NACC2: variants seen among roughly 807,000 people sequenced by gnomAD.
NACC2 encodes nucleus accumbens-associated protein 2.
NACC2 carries 8 observed loss-of-function variants against 25.1 expected under a neutral mutation model. That is an observed-to-expected ratio of 0.32 (90% CI 0.19 to 0.57). The LOEUF (loss-of-function observed/expected upper bound fraction) is 0.57. Among genes scored for constraint, NACC2 ranks in the 20% least tolerant of loss-of-function variants. The pLI is 0.89. For synonymous variants in NACC2, 435 were observed against 294.7 expected (o/e 1.48, Z -4.88); for missense variants, 644 against 650.2 (o/e 0.99, Z 0.10).
chr9:136,046,898 T>A (rs1300682915), intron 2 of NACC2, among the ~76,000 whole-genome samples: 2 of 152,140 alleles, frequency 1.3e-5, no homozygotes, highest in African/African-American at 4.8e-5. Context: ...TTGACTTATT[T>A]CAAAAACAGG....
At chr9:136,037,178 C>T (rs1016430462) in intron 2 of NACC2, among the ~76,000 whole-genome samples, 2 of 152,250 alleles carry the variant, frequency 1.3e-5, no homozygotes, top group African/African-American at 4.8e-5. Flanking sequence ...AAGCTGATGC[C>T]TTTTATTTTA....
In NACC2 at chr9:136,011,914, T is replaced by C; in HGVS notation, c.1366A>G (p.Lys456Glu). 6.3e-7 allele frequency: 1 copy of C among 1,594,084 alleles called. No homozygotes were observed. Among genetic ancestry groups the C allele is most frequent in the Non-Finnish European group, 8.5e-7 (1 of 1,172,580 alleles). The part of the protein sequence containing the change: ...RVRKRWLPKI[K>E]SMLPEGVEMY... ...TCCACGCCCTCCGGCAGCATGGACT[T>C]GATCTTGGGCAGCCAGCGCTTGCGA... The change falls in exon 6 of 6, where the codon AAG (lysine) becomes GAG (glutamate). Residue 456 changes from lysine (K) to glutamate (E), a missense_variant. Coordinates refer to ENST00000277554, the MANE Select transcript of NACC2 (RefSeq NM_144653.5).
chr9:136,088,647 C>T (rs1830403411), intron 1 of NACC2, among the ~76,000 whole-genome samples: 1 of 152,220 alleles, frequency 6.6e-6, no homozygotes, highest in South Asian at 2.1e-4. Flanking sequence ...CTCATTGAGG[C>T]CCCCACCCAG....
At chr9:136,053,756 CG>C (rs1356756376) in intron 1 of NACC2, among the ~76,000 whole-genome samples, 14 of 152,188 alleles carry the variant, frequency 9.2e-5, no homozygotes, top group Middle Eastern at 3.4e-3. Flanking sequence ...GCCCCAAGGA[CG>C]GGGGGGTAGG....
intron 2 of NACC2, among the ~76,000 whole-genome samples, chr9:136,041,267 C>CA (rs1225828592): frequency 1.3e-5 from 2 of 151,912 alleles, no homozygotes; most frequent in Admixed American, 6.6e-5. Flanking sequence ...ACTAAAAATA[C>CA]AAAAAATCAG....
In NACC2 at chr9:136,007,980, G is replaced by A. The variant is rs1840050191; in HGVS notation, c.*3536C>T. ...GCTCTAAACACAAATGCCAAAGAAT[G>A]ACTCTTCCTGGAGGAGAAAGGAGGC... On this transcript the variant is annotated 3_prime_UTR_variant, in exon 6 of 6. Coordinates refer to ENST00000277554, the MANE Select transcript of NACC2 (RefSeq NM_144653.5). 6.6e-6 allele frequency: 1 copy of A among 152,218 alleles called. No individual in the cohort carries two copies. Among genetic ancestry groups the A allele is most frequent in the Non-Finnish European group, 1.5e-5 (1 of 68,086 alleles). 9.4% of individuals were successfully genotyped at this position (152,218 alleles called of 1,614,324 possible).
At position 136,009,259 on chromosome 9, in the gene NACC2, T is replaced by G. The variant is rs1250156294; in HGVS notation, c.*2257A>C. The G allele has an allele frequency of 6.6e-6, 1 of 152,288 alleles. No individual in the cohort carries two copies. The highest frequency in any genetic ancestry group is 1.5e-5 in the Non-Finnish European group (1 of 68,090). 9.4% of individuals were successfully genotyped at this position (152,288 alleles called of 1,614,324 possible). On this transcript the variant is annotated 3_prime_UTR_variant, in exon 6 of 6. Transcript: ENST00000277554. ...TGCTCCACCCCGCGGCTTCCTCCCA[T>G]CTCCGAGGAAGGCTTGGTCCAGGTT...
At chr9:136,074,855 G>A (rs1002103080) in intron 1 of NACC2, among the ~76,000 whole-genome samples, 3 of 152,188 alleles carry the variant, frequency 2.0e-5, no homozygotes, top group African/African-American at 7.2e-5. Flanking sequence ...CACACAGAGC[G>A]GCAGGAAGCG....
chr9:136,048,995 G>A (rs1840772570), intron 2 of NACC2, among the ~76,000 whole-genome samples: 1 of 152,368 alleles, frequency 6.6e-6, no homozygotes, highest in South Asian at 2.1e-4. Context: ...AGGGACACCC[G>A]ATCCTGGGCA....
At chr9:136,072,009 G>A (rs538559756) in intron 1 of NACC2, among the ~76,000 whole-genome samples, 2 of 152,190 alleles carry the variant, frequency 1.3e-5, no homozygotes, top group South Asian at 2.1e-4. Flanking sequence ...AGGCCCAGGT[G>A]GGTGGATCAC....
chr9:136,056,555 G>A (rs1465906568), intron 1 of NACC2, among the ~76,000 whole-genome samples: 1 of 152,168 alleles, frequency 6.6e-6, no homozygotes, highest in African/African-American at 2.4e-5. Context: ...GGGTAGCTAC[G>A]ACCCTGACCT....
Position 136,050,585 on chromosome 9 carries a change from G to T in NACC2, c.-59-5C>A. ...GGCGGCCCTAGCGGGGCTCATCTGTGGGGGGCAGGAGGCACGTGGTCAGTT... is the reference window on the plus strand; with the variant it reads ...GGCGGCCCTAGCGGGGCTCATCTGTTGGGGGCAGGAGGCACGTGGTCAGTT... On this transcript the variant is annotated splice_polypyrimidine_tract_variant and splice_region_variant and intron_variant, in intron 1 of 5. Transcript: ENST00000277554. 7 of 716,232 alleles carry T rather than the reference G, an allele frequency of 9.8e-6. No individual in the cohort carries two copies. Among genetic ancestry groups the T allele is most frequent in the Admixed American group, 7.7e-5 (4 of 51,924 alleles). 44.4% of individuals were successfully genotyped at this position (716,232 alleles called of 1,614,324 possible).
chr9:136,094,971 C>T (rs566707517), intron 1 of NACC2, among the ~76,000 whole-genome samples: 1 of 146,386 alleles, frequency 6.8e-6, no homozygotes, highest in African/African-American at 2.4e-5. Context: ...CGGCCCCGCC[C>T]GGCCCCCCTC....
chr9:136,064,932 G>C (rs1841062400), intron 1 of NACC2, among the ~76,000 whole-genome samples: 1 of 152,172 alleles, frequency 6.6e-6, no homozygotes, highest in African/African-American at 2.4e-5. Context: ...ATTTAACAAG[G>C]GTGCCAAGAC....
chr9:136,021,411 G>A (rs577861788), intron 2 of NACC2, among the ~76,000 whole-genome samples: 160 of 152,150 alleles, frequency 1.1e-3, no homozygotes, highest in African/African-American at 3.6e-3. Flanking sequence ...TCCTGACGAC[G>A]TGGTCTCACC....
In NACC2 at chr9:136,049,948, G is replaced by A. The variant is rs2131162175; in HGVS notation, c.574C>T (p.Pro192Ser). Residue 192 changes from proline (P) to serine (S), a missense_variant, in exon 2 of 6, where the codon CCG (proline) becomes TCG (serine). By Grantham distance (74) the Pro-to-Ser change is moderately conservative. Coordinates refer to ENST00000277554, the MANE Select transcript of NACC2 (RefSeq NM_144653.5). ...CCGTCCCGGGGCCCCGTCTCCAGCG[G>A]GCGCTTGGGGGCCAGGCCTGGGCCG... ...PAGPGLAPKR[P>S]LETGPRDGVA... 5.1e-6 allele frequency: 3 copies of A among 587,134 alleles called. No homozygotes were observed. The highest frequency in any genetic ancestry group is 3.0e-5 in the East Asian group (1 of 33,424). The allele number at this position is 587,134 out of a possible 1,614,324, so 36.4% of individuals were successfully genotyped here.
chr9:136,056,704 G>T lies in NACC2; in HGVS notation c.-59-6124C>A, dbSNP rs575638759. 2.9e-3 allele frequency among the ~76,000 whole-genome samples: 440 copies of T among 152,324 alleles called. 1 individual carries two copies. The highest frequency in any genetic ancestry group is 9.9e-3 in the African/African-American group (413 of 41,582). On this transcript the variant is annotated intron_variant, in intron 1 of 5. Transcript: ENST00000277554. The stretch of plus-strand genomic sequence containing the variant: ...CCCTCGGACTATCACTGTCGCCCCA[G>T]CCTGGGAGGTGGAGGAGAGCCATGC...
chr9:136,027,632 G>GA (rs535355046), intron 2 of NACC2, among the ~76,000 whole-genome samples: 2,074 of 150,302 alleles, frequency 0.014, 47 homozygotes, highest in African/African-American at 0.037. Flanking sequence ...GGGCAAAAGG[G>GA]AAAAAAAAAT....
At chr9:136,066,534 T>C (rs1841083431) in intron 1 of NACC2, among the ~76,000 whole-genome samples, 1 of 152,106 alleles carries the variant, frequency 6.6e-6, no homozygotes, top group Non-Finnish European at 1.5e-5. Flanking sequence ...GATGTAGCGA[T>C]CGGGAATGCA....
Sources: gnomAD v4.1 joint callset for allele counts (sites outside exome capture counted in the v4.1 genomes callset) on GRCh38, gnomAD v4.1.1 for gene constraint, MANE v1.5 for transcripts, NCBI Gene and HGNC (gene_info 2026-07-23, HGNC 2026-07-21) for gene names.